Variants in MAD1L1 observed in about 807,000 individuals in gnomAD.
The protein encoded by MAD1L1 is mitotic arrest deficient 1 like 1.
In MAD1L1, 95 loss-of-function variants were observed where a neutral mutation model predicts 96.9. The observed-to-expected ratio is 0.98, with a 90% confidence interval of 0.83 to 1.16. The LOEUF (loss-of-function observed/expected upper bound fraction) is 1.16, where lower values mean the gene tolerates loss of function less well. Among genes scored for constraint, MAD1L1 ranks in the 50% most tolerant of loss-of-function variants. MAD1L1 has a pLI of 0.00. For missense variants in MAD1L1, 1,007 were observed against 954.4 expected (o/e 1.06, Z -0.73); for synonymous variants, 473 against 396.6 (o/e 1.19, Z -2.29).
At chr7:2,015,459 G>A (rs1782493501) in intron 12 of MAD1L1, among the ~76,000 whole-genome samples, 1 of 152,210 alleles carries the variant, frequency 6.6e-6, no homozygotes, top group African/African-American at 2.4e-5. Context: ...GCCAGTCAGG[G>A]GCCCCGGGAG....
chr7:1,914,026 C>CT (rs201784329), intron 17 of MAD1L1, among the ~76,000 whole-genome samples: 2 of 152,124 alleles, frequency 1.3e-5, no homozygotes, highest in Admixed American at 1.3e-4. Flanking sequence ...GGTCTCCCCC[C>CT]CCAGCACGCC....
At chr7:1,934,697 G>A (rs1310990351) in intron 17 of MAD1L1, among the ~76,000 whole-genome samples, 1 of 150,414 alleles carries the variant, frequency 6.6e-6, no homozygotes, top group East Asian at 2.0e-4. Flanking sequence ...GAGACAGGCA[G>A]AGACCCAGAC....
chr7:1,847,034 C>T, intron 18 of MAD1L1: 1 of 341,244 alleles, frequency 2.9e-6, no homozygotes, highest in Non-Finnish European at 5.8e-6. Flanking sequence ...AAAACATGTT[C>T]TGCAGCTGAT....
chr7:1,932,255 C>A (rs934184648), intron 17 of MAD1L1, among the ~76,000 whole-genome samples: 3 of 152,166 alleles, frequency 2.0e-5, no homozygotes, highest in Admixed American at 2.0e-4. Flanking sequence ...TATCCCAGAA[C>A]CTCTGGCCTG....
intron 15 of MAD1L1, among the ~76,000 whole-genome samples, chr7:1,979,594 G>A (rs35344169): frequency 0.013 from 1,952 of 152,344 alleles, 24 homozygotes; most frequent in Middle Eastern, 0.037. Context: ...TCCACAAGGC[G>A]GGGGAGAGGC....
At chr7:1,881,314 G>C (rs990704615) in intron 18 of MAD1L1, among the ~76,000 whole-genome samples, 8 of 152,098 alleles carry the variant, frequency 5.3e-5, no homozygotes, top group Non-Finnish European at 1.2e-4. Context: ...TTTATATCCT[G>C]GTGTTCAAGG....
At chr7:1,983,147 C>T (rs111720287) in intron 14 of MAD1L1, among the ~76,000 whole-genome samples, 3 of 19,912 alleles carry the variant, frequency 1.5e-4, no homozygotes, top group African/African-American at 6.3e-4. Flanking sequence ...CGCGCGCGCG[C>T]GCGCGCGCAC....
At chr7:1,882,117 G>C (rs924087373) in intron 18 of MAD1L1, among the ~76,000 whole-genome samples, 1 of 152,192 alleles carries the variant, frequency 6.6e-6, no homozygotes, top group East Asian at 1.9e-4. Flanking sequence ...TGTGGCTGGG[G>C]CCAGGGCACG....
At position 2,119,778 on chromosome 7, in the gene MAD1L1, C is replaced by T. The variant is rs1787888339; in HGVS notation, c.1073+29374G>A. On this transcript the variant is annotated intron_variant, in intron 11 of 18. Transcript: ENST00000265854. The surrounding 1 kb of genome is among the most constrained non-coding windows in gnomAD (Gnocchi z 4.6). ...CCTGGCTGCACCCATACAGCTCACACAGATGGCAGCCACACACGTCCCACG... is the reference window on the plus strand; with the variant it reads ...CCTGGCTGCACCCATACAGCTCACATAGATGGCAGCCACACACGTCCCACG... 6.6e-6 allele frequency among the ~76,000 whole-genome samples: 1 copy of T among 152,210 alleles called. No individual in the cohort carries two copies. Among genetic ancestry groups the T allele is most frequent in the African/African-American group, 2.4e-5 (1 of 41,442 alleles).
At chr7:2,216,599 A>G (rs1030376686) in intron 7 of MAD1L1, among the ~76,000 whole-genome samples, 1 of 152,122 alleles carries the variant, frequency 6.6e-6, no homozygotes, top group Admixed American at 6.5e-5. Flanking sequence ...TGACCCTCGC[A>G]TGACCCGTGG....
chr7:2,019,850 G>A (rs1782707447), intron 12 of MAD1L1, among the ~76,000 whole-genome samples: 1 of 152,124 alleles, frequency 6.6e-6, no homozygotes, highest in Admixed American at 6.5e-5. Flanking sequence ...AGAACGCTTC[G>A]CCTCCTGTCT....
chr7:1,878,466 G>A (rs746379480), intron 18 of MAD1L1, among the ~76,000 whole-genome samples: 7 of 151,672 alleles, frequency 4.6e-5, no homozygotes, highest in African/African-American at 9.7e-5. Flanking sequence ...GACCCAGTGC[G>A]GTTTATCCTA....
chr7:2,021,947 A>T (rs1782806100), intron 12 of MAD1L1, among the ~76,000 whole-genome samples: 1 of 151,810 alleles, frequency 6.6e-6, no homozygotes, highest in Middle Eastern at 3.4e-3. Flanking sequence ...GGAAAAATAA[A>T]ATCTACTTTA....
intron 17 of MAD1L1, 82 bp downstream of exon 17, chr7:1,936,605 C>A: frequency 7.1e-7 from 1 of 1,402,204 alleles, no homozygotes; most frequent in Non-Finnish European, 9.6e-7. Context: ...GCAGGGGCGC[C>A]TGAGGCTGCC....
chr7:1,874,578 C>T (rs919904911), intron 18 of MAD1L1: 10 of 452,662 alleles, frequency 2.2e-5, no homozygotes, highest in Non-Finnish European at 4.0e-5. Context: ...TGTTGAGTGG[C>T]TCTCACCTAT....
intron 11 of MAD1L1, among the ~76,000 whole-genome samples, chr7:2,133,001 C>A (rs1220407723): frequency 2.0e-5 from 3 of 152,250 alleles, no homozygotes; most frequent in African/African-American, 7.2e-5. Context: ...TGCTCTCCCC[C>A]TTCCTGCGTC....
chr7:2,014,680 G>A (rs555015245), intron 12 of MAD1L1, 38 bp from the exon 13 acceptor site: 72 of 1,036,130 alleles, frequency 6.9e-5, no homozygotes, highest in East Asian at 1.8e-4. Context: ...GACCCGGGAC[G>A]GGGGATGAGG....
intron 12 of MAD1L1, among the ~76,000 whole-genome samples, chr7:2,052,082 G>A (rs1226054683): frequency 6.6e-6 from 1 of 152,130 alleles, no homozygotes; most frequent in Non-Finnish European, 1.5e-5. Context: ...TTCCACGAAG[G>A]AGCCCCCGGC....
intron 11 of MAD1L1, among the ~76,000 whole-genome samples, chr7:2,139,860 G>C (rs1788939298): frequency 6.6e-6 from 1 of 152,196 alleles, no homozygotes; most frequent in Non-Finnish European, 1.5e-5. Context: ...ACAATTTTAT[G>C]CCTAAAAATA....
Sources: gnomAD v4.1 joint callset for allele counts (sites outside exome capture counted in the v4.1 genomes callset) on GRCh38, gnomAD v4.1.1 for gene constraint, Gnocchi (gnomAD v3.1) non-coding constraint, MANE v1.5 for transcripts, NCBI Gene and HGNC (gene_info 2026-07-23, HGNC 2026-07-21) for gene names.